The following RSRC1 variants were observed in gnomAD, a reference collection of about 807,000 sequenced individuals.
RSRC1 encodes the protein arginine and serine rich coiled-coil 1.
Under a neutral mutation model 49.1 loss-of-function variants are expected in RSRC1, and 39 were observed. The ratio of observed to expected loss-of-function variants is 0.79; its 90% confidence interval spans 0.61 to 1.04. RSRC1 has a LOEUF of 1.04. Ranked by LOEUF, RSRC1 falls within the 50% of genes least tolerant of loss-of-function variation. RSRC1 has a pLI of 0.00. For synonymous variants in RSRC1, 143 were observed against 130.8 expected (o/e 1.09, Z -0.63); for missense variants, 388 against 402.4 (o/e 0.96, Z 0.31).
intron 7 of RSRC1, among the ~76,000 whole-genome samples, chr3:158,472,374 A>G (rs1738174335): frequency 6.6e-6 from 1 of 152,196 alleles, no homozygotes; most frequent in Non-Finnish European, 1.5e-5. Flanking sequence ...TACAAAACAT[A>G]CAAGAGGTAT....
chr3:158,415,468 T>G (rs1560032102), intron 6 of RSRC1, among the ~76,000 whole-genome samples: 2 of 152,066 alleles, frequency 1.3e-5, no homozygotes, highest in East Asian at 3.9e-4. Flanking sequence ...TAGCTTTGGC[T>G]CCATTATTTA....
chr3:158,402,743 T>A (rs889227690), intron 6 of RSRC1, among the ~76,000 whole-genome samples: 2 of 151,888 alleles, frequency 1.3e-5, no homozygotes, highest in Admixed American at 6.6e-5. Flanking sequence ...AGAACATTTG[T>A]CATTTGCTGA....
At chr3:158,325,510 G>A (rs545860488) in intron 5 of RSRC1, among the ~76,000 whole-genome samples, 1 of 152,068 alleles carries the variant, frequency 6.6e-6, no homozygotes, top group African/African-American at 2.4e-5. Flanking sequence ...GCTTGTTTTT[G>A]TCAGGTTTGT....
intron 6 of RSRC1, among the ~76,000 whole-genome samples, chr3:158,401,829 AT>A (rs1000700259): frequency 6.6e-6 from 1 of 152,122 alleles, no homozygotes; most frequent in African/African-American, 2.4e-5. Flanking sequence ...TTCAAATAAA[AT>A]CATGGTTTAA....
chr3:158,503,115 C>T (rs116027786), intron 7 of RSRC1, among the ~76,000 whole-genome samples: 2,973 of 152,180 alleles, frequency 0.02, 105 homozygotes, highest in African/African-American at 0.068. Flanking sequence ...TTTCTATGGA[C>T]GTGGCTTCCT....
intron 3 of RSRC1, among the ~76,000 whole-genome samples, chr3:158,195,473 C>A (rs1447466457): frequency 6.6e-6 from 1 of 151,672 alleles, no homozygotes; most frequent in African/African-American, 2.4e-5. Flanking sequence ...ATGGTAGTTT[C>A]TTTTGCTGTG....
At chr3:158,145,721 G>C (rs1236763547) in intron 3 of RSRC1, among the ~76,000 whole-genome samples, 1 of 152,112 alleles carries the variant, frequency 6.6e-6, no homozygotes, top group Non-Finnish European at 1.5e-5. Context: ...ATTACCTTGG[G>C]CAGTATGGCC....
intron 4 of RSRC1, among the ~76,000 whole-genome samples, chr3:158,277,227 G>T (rs1430158349): frequency 6.6e-6 from 1 of 152,074 alleles, no homozygotes; most frequent in African/African-American, 2.4e-5. Flanking sequence ...CTTGATTAGG[G>T]TTCTAAATTA....
chr3:158,500,856 A>G (rs1417398518), intron 7 of RSRC1, among the ~76,000 whole-genome samples: 1 of 151,310 alleles, frequency 6.6e-6, no homozygotes, highest in African/African-American at 2.4e-5. Flanking sequence ...TTTCAATTTC[A>G]TTTAGTTCTG....
At chr3:158,422,133 G>C (rs561553284) in intron 6 of RSRC1, among the ~76,000 whole-genome samples, 22 of 151,242 alleles carry the variant, frequency 1.5e-4, no homozygotes, top group African/African-American at 5.3e-4. Flanking sequence ...GTGCAGGTTA[G>C]TTACATATGT....
intron 4 of RSRC1, among the ~76,000 whole-genome samples, chr3:158,220,311 C>T (rs1722161547): frequency 6.6e-6 from 1 of 151,552 alleles, no homozygotes; most frequent in Non-Finnish European, 1.5e-5. Context: ...CTTTGATAGT[C>T]TGCCAATAGT....
chr3:158,319,644 C>T (rs1484560485), intron 5 of RSRC1, among the ~76,000 whole-genome samples: 2 of 152,114 alleles, frequency 1.3e-5, no homozygotes, highest in African/African-American at 4.8e-5. Context: ...GTTATTCTGT[C>T]TCAGGATTTT....
chr3:158,247,909 G>T (rs188308950), intron 4 of RSRC1, among the ~76,000 whole-genome samples: 46 of 152,232 alleles, frequency 3.0e-4, no homozygotes, highest in African/African-American at 1.0e-3. Flanking sequence ...GTTTTCATGG[G>T]TTGTTTCCTA....
intron 5 of RSRC1, among the ~76,000 whole-genome samples, chr3:158,341,036 G>A (rs983173512): frequency 1.3e-5 from 2 of 152,184 alleles, no homozygotes; most frequent in African/African-American, 4.8e-5. Flanking sequence ...AGGGTATCTG[G>A]TGGAAGAAAT....
At chr3:158,299,957 T>C (rs1336033100) in intron 5 of RSRC1, among the ~76,000 whole-genome samples, 3 of 152,218 alleles carry the variant, frequency 2.0e-5, no homozygotes, top group Non-Finnish European at 4.4e-5. Flanking sequence ...TTTGAACTTT[T>C]AAATAACATT....
intron 7 of RSRC1, among the ~76,000 whole-genome samples, chr3:158,516,478 G>A (rs1740543174): frequency 6.6e-6 from 1 of 152,106 alleles, no homozygotes; most frequent in South Asian, 2.1e-4. Context: ...CTGGGTGCTG[G>A]GAGAACCACT....
chr3:158,221,860 T>C (rs1470900915), intron 4 of RSRC1, among the ~76,000 whole-genome samples: 1 of 151,536 alleles, frequency 6.6e-6, no homozygotes, highest in East Asian at 1.9e-4. Context: ...GTATTTATTA[T>C]AGAAATATTG....
At chr3:158,355,015 C>A in intron 6 of RSRC1, 107 bp downstream of exon 6, 1 of 679,376 alleles carries the variant, frequency 1.5e-6, no homozygotes, top group South Asian at 2.6e-5. Flanking sequence ...TTTTATATAT[C>A]CTCACAAATT....
rs141016947 is a variant in RSRC1, at chr3:158,530,818, G to A, written c.653-6274G>A. ...TAAAACTCACCACTGAGGGTGCAGC[G>A]CACCAGCATGGCACGTGTATACATA... On this transcript the variant is annotated intron_variant, in intron 7 of 9. Coordinates refer to ENST00000611884, the MANE Select transcript of RSRC1 (RefSeq NM_001271838.2). Among the ~76,000 whole-genome samples the A allele has an allele frequency of 4.8e-3, 720 of 149,206 alleles. 8 individuals are homozygous for A. The highest frequency in any genetic ancestry group is 0.017 in the African/African-American group (688 of 40,548).
Sources: allele counts gnomAD v4.1 joint callset (sites outside exome capture counted in the v4.1 genomes callset), GRCh38; gene constraint gnomAD v4.1.1; transcripts MANE v1.5; gene names NCBI Gene and HGNC (gene_info 2026-07-23, HGNC 2026-07-21).